Variants in FAM177A1 observed in about 807,000 individuals in gnomAD.
The protein encoded by FAM177A1 is protein FAM177A1.
A neutral mutation model predicts 26.1 loss-of-function variants in FAM177A1; 22 were observed. The ratio of observed to expected loss-of-function variants is 0.84; its 90% CI spans 0.60 to 1.20. The LOEUF is 1.20. Ranked by LOEUF, FAM177A1 falls within the 50% of genes most tolerant of loss-of-function variation. The pLI, the probability that FAM177A1 is intolerant of heterozygous loss-of-function variation, is 0.00. For synonymous variants in FAM177A1, 95 were observed against 99.3 expected, an observed-to-expected ratio of 0.96 and a Z score of 0.26; for missense variants, 296 against 291.1, an observed-to-expected ratio of 1.02 and a Z score of -0.12.
Position 35,052,725 on chromosome 14 carries a change from G to A in FAM177A1, c.166-553G>A, listed in dbSNP as rs528625440. On this transcript the variant is annotated intron_variant, in intron 1 of 4. Transcript: ENST00000280987. ...GGATTGCTTAAGGCCAGTAGTTGGA[G>A]ACCAACCTGGGCAACATAGCCAGAC... 1.1e-3 allele frequency among the ~76,000 whole-genome samples: 162 copies of A among 152,160 alleles called. 1 individual carries two copies. Among genetic ancestry groups the A allele is most frequent in the African/African-American group, 3.6e-3 (148 of 41,510 alleles).
chr14:35,060,837 CAATTGATAAATTTT>C (rs1264337043), intron 2 of FAM177A1, among the ~76,000 whole-genome samples: 2 of 152,222 alleles, frequency 1.3e-5, no homozygotes, highest in East Asian at 3.9e-4. Context: ...CAGAAATAAA[CAATTGATAAATTTT>C]AAGTTGATCA....
chr14:35,081,380 A>C lies in FAM177A1; in HGVS notation c.*152A>C, dbSNP rs1167315554. ...GGAAAATGTTTTCTTCATTTTTAGGATCTATCTAGCAAAAGCCAGATCTGA... is the reference window on the plus strand; with the variant it reads ...GGAAAATGTTTTCTTCATTTTTAGGCTCTATCTAGCAAAAGCCAGATCTGA... On this transcript the variant is annotated 3_prime_UTR_variant, in exon 5 of 5. Coordinates refer to ENST00000280987, the MANE Select transcript of FAM177A1 (RefSeq NM_173607.5). 1.3e-6 allele frequency: 1 copy of C among 789,418 alleles called. No individual in the cohort carries two copies. Among genetic ancestry groups the C allele is most frequent in the East Asian group, 3.0e-5 (1 of 33,342 alleles). The allele number at this position is 789,418 out of a possible 1,614,324, so 48.9% of individuals were successfully genotyped here.
intron 2 of FAM177A1, among the ~76,000 whole-genome samples, chr14:35,074,203 G>A (rs1053582746): frequency 6.6e-6 from 1 of 152,174 alleles, no homozygotes; most frequent in African/African-American, 2.4e-5. Flanking sequence ...GGAGTGCAGT[G>A]GTGCAGTCTT....
chr14:35,050,721 A>G (rs2044953122), intron 1 of FAM177A1: 1 of 152,120 alleles, frequency 6.6e-6, no homozygotes, highest in Non-Finnish European at 1.5e-5. Context: ...TTGACATTAG[A>G]TCCATCCAGT....
At chr14:35,075,797 AC>A (rs1379618111) in intron 2 of FAM177A1, among the ~76,000 whole-genome samples, 1 of 152,240 alleles carries the variant, frequency 6.6e-6, no homozygotes, top group Non-Finnish European at 1.5e-5. Context: ...AAGGATATGA[AC>A]AGACACTTCA....
At chr14:35,060,879 A>G (rs2045140979) in intron 2 of FAM177A1, among the ~76,000 whole-genome samples, 1 of 152,228 alleles carries the variant, frequency 6.6e-6, no homozygotes, top group South Asian at 2.1e-4. Context: ...GAGTAGCATC[A>G]TAAAATCTCA....
At chr14:35,055,302 TAA>T (rs768167607) in intron 2 of FAM177A1, among the ~76,000 whole-genome samples, 11 of 129,132 alleles carry the variant, frequency 8.5e-5, no homozygotes, top group East Asian at 2.3e-4. Context: ...AAACTCCATC[TAA>T]AAAAAAAAAA....
chr14:35,055,716 C>T (rs1334234816), intron 2 of FAM177A1, among the ~76,000 whole-genome samples: 1 of 152,036 alleles, frequency 6.6e-6, no homozygotes, highest in African/African-American at 2.4e-5. Context: ...CCACACACAG[C>T]CCTAAGTCTA....
chr14:35,052,032 C>T, intron 1 of FAM177A1, among the ~76,000 whole-genome samples: 1 of 152,140 alleles, frequency 6.6e-6, no homozygotes, highest in Middle Eastern at 3.2e-3. Flanking sequence ...TCTGGACTAT[C>T]CTAGAGAATT....
At position 35,078,928 on chromosome 14, in the gene FAM177A1, G is replaced by A. The variant is rs1222765774; in HGVS notation, c.408G>A (p.Val136=). 7.2e-6 allele frequency: 11 copies of A among 1,530,024 alleles called. 1 individual carries two copies. Among genetic ancestry groups the A allele is most frequent in the African/African-American group, 1.4e-5 (1 of 69,270 alleles). The allele number at this position is 1,530,024 out of a possible 1,614,324, so 94.8% of individuals were successfully genotyped here. Residue 136 remains valine (V), a splice_region_variant and synonymous_variant, in exon 4 of 5, where the codon GTG becomes GTA. Transcript: ENST00000280987. ...GTCTTTTAACTTTTGTATTTTCAGTGTGTGACTTCCTTGGAGAGAAGATTG... is the reference window on the plus strand; with the variant it reads ...GTCTTTTAACTTTTGTATTTTCAGTATGTGACTTCCTTGGAGAGAAGATTG... ...MLRAATSTLS[V]CDFLGEKIAS...
chr14:35,079,980 T>A (rs2138574749), intron 4 of FAM177A1, among the ~76,000 whole-genome samples: 1 of 152,282 alleles, frequency 6.6e-6, no homozygotes, highest in Admixed American at 6.5e-5. Context: ...AACAAATAAG[T>A]ATTTCTTAAC....
chr14:35,057,822 C>G (rs1247436430), intron 2 of FAM177A1, among the ~76,000 whole-genome samples: 7 of 151,866 alleles, frequency 4.6e-5, no homozygotes, highest in Non-Finnish European at 8.8e-5. Flanking sequence ...TGATTTCATG[C>G]CATTCTGATC....
chr14:35,058,567 C>T (rs191204396), intron 2 of FAM177A1, among the ~76,000 whole-genome samples: 1 of 152,066 alleles, frequency 6.6e-6, no homozygotes, highest in Non-Finnish European at 1.5e-5. Flanking sequence ...CCTCTAGTTA[C>T]GTTTTTTGTT....
At chr14:35,057,875 C>T (rs1309342483) in intron 2 of FAM177A1, among the ~76,000 whole-genome samples, 1 of 151,818 alleles carries the variant, frequency 6.6e-6, no homozygotes, top group Non-Finnish European at 1.5e-5. Flanking sequence ...AATGTATTGA[C>T]GTTTGTTTTA....
intron 2 of FAM177A1, among the ~76,000 whole-genome samples, chr14:35,076,815 G>T (rs1326588686): frequency 6.6e-6 from 1 of 152,154 alleles, no homozygotes; most frequent in African/African-American, 2.4e-5. Context: ...ATAAATAGTG[G>T]AGACAAAAAT....
rs758078667 is a variant in FAM177A1 at position 35,081,181 on chromosome 14, GAAGTA to G, written c.666_670del (p.Glu222AspfsTer16). On this transcript the variant is annotated frameshift_variant, in exon 5 of 5. Transcript: ENST00000280987. LOFTEE classifies it high-confidence loss of function. ...CAATTTTGAAATGGAGGGAGACAGT[GAAGTA>G]ATTATGGAAAGCAAGCAAAATCCAG... 1.8e-5 allele frequency: 29 copies of G among 1,613,194 alleles called. No homozygotes were observed. The highest frequency in any genetic ancestry group is 2.2e-5 in the Non-Finnish European group (26 of 1,179,798).
chr14:35,079,093 G>A (rs992834211), intron 4 of FAM177A1, 69 bp downstream of exon 4: 33 of 1,184,342 alleles, frequency 2.8e-5, no homozygotes, highest in Middle Eastern at 3.8e-4. Flanking sequence ...TGCATAATGA[G>A]CCTATGTATT....
At chr14:35,057,827 CT>C (rs1431454701) in intron 2 of FAM177A1, among the ~76,000 whole-genome samples, 1 of 151,884 alleles carries the variant, frequency 6.6e-6, no homozygotes, top group Non-Finnish European at 1.5e-5. Context: ...TCATGCCATT[CT>C]GATCAGAGAA....
chr14:35,060,901 T>C (rs745972346), intron 2 of FAM177A1, among the ~76,000 whole-genome samples: 1 of 152,216 alleles, frequency 6.6e-6, no homozygotes, highest in Non-Finnish European at 1.5e-5. Context: ...ACTGTCACAC[T>C]TGGTACCTCC....
Sources: gnomAD v4.1 joint callset for allele counts (sites outside exome capture counted in the v4.1 genomes callset) on GRCh38, gnomAD v4.1.1 for gene constraint, MANE v1.5 for transcripts, NCBI Gene and HGNC (gene_info 2026-07-23, HGNC 2026-07-21) for gene names.